Variants in ZNF484 observed in about 807,000 individuals in gnomAD.
The protein encoded by ZNF484 is zinc finger protein 484.
ZNF484 carries 11 observed loss-of-function variants against 12.9 expected under a neutral mutation model. That is an observed-to-expected ratio of 0.85 (90% CI 0.54 to 1.41). ZNF484 has a LOEUF of 1.41. ZNF484 is among the 40% of genes most tolerant of loss of function. The probability of loss-of-function intolerance (pLI) is 0.00; values close to 1 mark genes in which losing one functional copy is unlikely to be tolerated. For synonymous variants in ZNF484, 289 were observed against 334.1 expected (o/e 0.86, Z 1.47); for missense variants, 807 against 1,007.7 (o/e 0.80, Z 2.70).
In ZNF484 at chr9:92,848,218, G is replaced by A. The variant is rs1417518865; in HGVS notation, c.569C>T (p.Thr190Ile). The A allele has an allele frequency of 1.2e-6, 2 of 1,613,924 alleles. No individual in the cohort carries two copies. The highest frequency in any genetic ancestry group is 1.7e-6 in the Non-Finnish European group (2 of 1,179,958). The change falls in exon 5 of 5, where the codon ACC becomes ATC. Residue 190 changes from threonine (T) to isoleucine (I), a missense_variant. Transcript: ENST00000375495. This position sits in a 1 kb window ranked among gnomAD's most constrained non-coding sequence, Gnocchi z 4.1. ...SCGKNLEPII[T>I]LYNRNNATEN... ...TGTTGCATTGTTTCTATTATATAAGGTTATGATAGGCTCCAAATTCTTTCC... is the reference window on the plus strand; with the variant it reads ...TGTTGCATTGTTTCTATTATATAAGATTATGATAGGCTCCAAATTCTTTCC...
intron 2 of ZNF484, among the ~76,000 whole-genome samples, chr9:92,868,466 T>C (rs1857241373): frequency 6.6e-6 from 1 of 152,196 alleles, no homozygotes; most frequent in African/African-American, 2.4e-5. Context: ...ATGAGAATAA[T>C]GATTATAGAT....
chr9:92,846,101 G>A lies in ZNF484; in HGVS notation c.*127C>T. 1.1e-6 allele frequency: 1 copy of A among 905,608 alleles called. No homozygotes were observed. The highest frequency in any genetic ancestry group is 1.7e-5 in the African/African-American group (1 of 60,068). The allele number at this position is 905,608 out of a possible 1,614,324, so 56.1% of individuals were successfully genotyped here. ...CTTGCACATTTACTATTATTTGCAG[G>A]AGCTTGACAACACCAATATCAAGTA... On this transcript the variant is annotated 3_prime_UTR_variant, in exon 5 of 5. Coordinates refer to ENST00000375495, the MANE Select transcript of ZNF484 (RefSeq NM_031486.4).
At position 92,846,506 on chromosome 9, in the gene ZNF484, A is replaced by G. The variant is rs1352504767; in HGVS notation, c.2281T>C (p.Ser761Pro). The G allele has an allele frequency of 6.2e-7, 1 of 1,613,856 alleles. No homozygotes were observed. Among genetic ancestry groups the G allele is most frequent in the African/African-American group, 1.3e-5 (1 of 74,870 alleles). Residue 761 changes from serine to proline, a missense_variant, in exon 5 of 5, where the codon TCA (serine) becomes CCA (proline). Physicochemically the swap from Ser to Pro is moderately conservative, Grantham distance 74 (BLOSUM62 -1). Transcript: ENST00000375495. ...SDCGKSFIKK[S>P]QLHEHHRIHT... Reference sequence around the variant, plus strand: ...ATTCGATGATGCTCATGGAGTTGTGATTTCTTAATGAAAGACTTGCCACAG... The same window carrying G: ...ATTCGATGATGCTCATGGAGTTGTGGTTTCTTAATGAAAGACTTGCCACAG...
At chr9:92,858,540 T>C (rs766261858) in intron 2 of ZNF484, among the ~76,000 whole-genome samples, 1 of 152,160 alleles carries the variant, frequency 6.6e-6, no homozygotes, top group Non-Finnish European at 1.5e-5. Context: ...ACTGCAAGTA[T>C]TGACTATGCA....
chr9:92,867,940 G>A (rs191964994), intron 2 of ZNF484, among the ~76,000 whole-genome samples: 19 of 152,304 alleles, frequency 1.2e-4, no homozygotes, highest in African/African-American at 4.1e-4. Context: ...TCTTAGAGAC[G>A]CCTAAATAAT....
chr9:92,851,426 A>G lies in ZNF484; in HGVS notation c.236-2875T>C, dbSNP rs181600433. On this transcript the variant is annotated intron_variant, in intron 4 of 4. Transcript: ENST00000375495. ...GTGTCCATAAAGTTTTTATTGGAACACAGCCACACCCATACATTGATGTAT... is the reference window on the plus strand; with the variant it reads ...GTGTCCATAAAGTTTTTATTGGAACGCAGCCACACCCATACATTGATGTAT... Among the ~76,000 whole-genome samples, 452 of 152,374 alleles carry G rather than the reference A, an allele frequency of 3.0e-3. 1 individual carries two copies. The highest frequency in any genetic ancestry group is 0.01 in the African/African-American group (425 of 41,598).
chr9:92,861,794 C>T (rs1261769488), intron 2 of ZNF484, among the ~76,000 whole-genome samples: 1 of 152,142 alleles, frequency 6.6e-6, no homozygotes, highest in Non-Finnish European at 1.5e-5. Flanking sequence ...AGCTGAAAAC[C>T]TCCCAAATCT....
chr9:92,875,877 A>T (rs1275909737), intron 1 of ZNF484, among the ~76,000 whole-genome samples: 1 of 152,202 alleles, frequency 6.6e-6, no homozygotes, highest in East Asian at 1.9e-4. Flanking sequence ...GAAAAACCAG[A>T]CTATTTACAG....
intron 2 of ZNF484, among the ~76,000 whole-genome samples, chr9:92,870,315 C>G (rs1278106157): frequency 2.0e-5 from 3 of 152,158 alleles, no homozygotes; most frequent in Non-Finnish European, 4.4e-5. Flanking sequence ...TTTTCTCTAG[C>G]TAAAAGACCA....
intron 1 of ZNF484, among the ~76,000 whole-genome samples, chr9:92,876,775 C>A (rs1261459141): frequency 6.6e-6 from 1 of 151,998 alleles, no homozygotes; most frequent in Non-Finnish European, 1.5e-5. Flanking sequence ...CATATAACTG[C>A]AAAATGAACT....
Position 92,848,910 on chromosome 9 carries a change from AAAATAAATAAATAAAT to A in ZNF484, c.236-375_236-360del, listed in dbSNP as rs145197582. Among the ~76,000 whole-genome samples the A allele has an allele frequency of 1.2e-3, 172 of 141,410 alleles. No homozygotes were observed. The highest frequency in any genetic ancestry group is 0.011 in the Middle Eastern group (3 of 278). The allele number at this position is 141,410 out of a possible 152,430, so 92.8% of individuals were successfully genotyped here. A position where few individuals can be genotyped will look rare whatever the true frequency, so the allele number is the denominator to read the frequency against. On this transcript the variant is annotated intron_variant, in intron 4 of 4. Transcript: ENST00000375495. This position sits in a 1 kb window ranked among gnomAD's most constrained non-coding sequence, Gnocchi z 4.1. ...GGTGACAGAGCAAGACTCTGTCTCC[AAAATAAATAAATAAAT>A]AAATAAATAAATAAATAAATAAATA...
At chr9:92,854,450 G>A (rs1308706328) in intron 4 of ZNF484, among the ~76,000 whole-genome samples, 1 of 152,166 alleles carries the variant, frequency 6.6e-6, no homozygotes, top group African/African-American at 2.4e-5. Context: ...GGGCGTGGTG[G>A]CTCCCGCCTA....
intron 2 of ZNF484, among the ~76,000 whole-genome samples, chr9:92,869,430 AC>A (rs35933942): frequency 0.41 from 63,059 of 151,994 alleles, 14,045 homozygotes; most frequent in African/African-American, 0.57. Context: ...ATTATGATAT[AC>A]CCATATTAGG....
intron 2 of ZNF484, among the ~76,000 whole-genome samples, chr9:92,863,293 A>G (rs1856885217): frequency 6.6e-6 from 1 of 151,064 alleles, no homozygotes. Flanking sequence ...GGAGAGCATT[A>G]GGGAAAAAAG....
At chr9:92,873,222 C>A (rs1857567261) in intron 2 of ZNF484, among the ~76,000 whole-genome samples, 3 of 152,156 alleles carry the variant, frequency 2.0e-5, no homozygotes, top group African/African-American at 7.2e-5. Flanking sequence ...TTTTCGTCTA[C>A]AAGCCAAGAA....
intron 1 of ZNF484, among the ~76,000 whole-genome samples, chr9:92,875,845 A>C (rs1021608873): frequency 3.1e-5 from 4 of 130,744 alleles, no homozygotes; most frequent in Admixed American, 8.0e-5. Context: ...TATAAATAGA[A>C]AACACTTCTA....
intron 4 of ZNF484, among the ~76,000 whole-genome samples, chr9:92,849,728 C>T (rs187615043): frequency 1.3e-5 from 2 of 151,914 alleles, no homozygotes; most frequent in Non-Finnish European, 1.5e-5. Context: ...GTGTTTGAAG[C>T]TGCAGTGAGC....
At chr9:92,858,018 G>C (rs1856565024) in intron 2 of ZNF484, among the ~76,000 whole-genome samples, 2 of 152,050 alleles carry the variant, frequency 1.3e-5, no homozygotes, top group African/African-American at 4.8e-5. Context: ...CAGCCTCCCA[G>C]GTATGAGCCC....
intron 1 of ZNF484, among the ~76,000 whole-genome samples, chr9:92,877,297 A>G (rs1857877182): frequency 6.6e-6 from 1 of 152,028 alleles, no homozygotes; most frequent in South Asian, 2.1e-4. Context: ...AGTAGGGAGT[A>G]TTTTATTGGA....
Sources: allele counts gnomAD v4.1 joint callset (sites outside exome capture counted in the v4.1 genomes callset), GRCh38; gene constraint gnomAD v4.1.1; non-coding constraint Gnocchi (gnomAD v3.1); transcripts MANE v1.5; gene names NCBI Gene and HGNC (gene_info 2026-07-23, HGNC 2026-07-21).